Variants in AP1G1 observed in about 807,000 individuals in gnomAD.
AP1G1 encodes the protein AP-1 complex subunit gamma-1.
Under a neutral mutation model 108.3 loss-of-function variants are expected in AP1G1, and 7 were observed. The observed-to-expected ratio is 0.06, with a 90% CI of 0.04 to 0.12. AP1G1 has a LOEUF of 0.12. Among genes scored for constraint, AP1G1 ranks in the 10% least tolerant of loss-of-function variants. The pLI is 1.00. For missense variants in AP1G1, 756 were observed against 1,010.7 expected (o/e 0.75, Z 3.42); for synonymous variants, 379 against 353.5 (o/e 1.07, Z -0.81).
chr16:71,768,978 C>CAAAAAAAAAAAAA (rs59451625), intron 6 of AP1G1, among the ~76,000 whole-genome samples: 1 of 65,018 alleles, frequency 1.5e-5, no homozygotes, highest in African/African-American at 7.1e-5. Context: ...AAAAAAAATA[C>CAAAAAAAAAAAAA]AAAAAAAAAA....
chr16:71,791,227 A>G (rs1156522338), intron 1 of AP1G1, among the ~76,000 whole-genome samples: 1 of 149,566 alleles, frequency 6.7e-6, no homozygotes, highest in Non-Finnish European at 1.5e-5. Context: ...CAAAAAAACA[A>G]AAAAAAAAAA....
At chr16:71,788,390 T>C (rs559831865) in intron 2 of AP1G1, among the ~76,000 whole-genome samples, 1 of 152,058 alleles carries the variant, frequency 6.6e-6, no homozygotes, top group Non-Finnish European at 1.5e-5. Context: ...CTTATGACAA[T>C]ATAAACATGC....
chr16:71,796,938 G>A (rs1358435306), intron 1 of AP1G1, among the ~76,000 whole-genome samples: 2 of 151,968 alleles, frequency 1.3e-5, no homozygotes, highest in Admixed American at 1.3e-4. Context: ...GGGAGGCCGA[G>A]GAGGGCAGAA....
At chr16:71,737,922 G>GT (rs2145413993) in intron 21 of AP1G1, among the ~76,000 whole-genome samples, 1 of 152,368 alleles carries the variant, frequency 6.6e-6, no homozygotes, top group East Asian at 1.9e-4. Flanking sequence ...ATCTACAGCT[G>GT]TTTCTGTACT....
At chr16:71,750,972 C>G (rs368598970) in intron 13 of AP1G1, among the ~76,000 whole-genome samples, 1 of 151,122 alleles carries the variant, frequency 6.6e-6, no homozygotes, top group East Asian at 2.0e-4. Flanking sequence ...CTGGCTAACA[C>G]GATGAAACCC....
intron 1 of AP1G1, among the ~76,000 whole-genome samples, chr16:71,799,329 C>T (rs1181495893): frequency 2.6e-5 from 4 of 152,056 alleles, no homozygotes; most frequent in African/African-American, 4.8e-5. Context: ...GCATATAAGG[C>T]GGCATGTACA....
intron 22 of AP1G1, 65 bp downstream of exon 22, chr16:71,734,544 G>T: frequency 7.4e-7 from 1 of 1,346,026 alleles, no homozygotes; most frequent in Non-Finnish European, 1.1e-6. Context: ...AAACAAAGCA[G>T]AATTTTATTT....
chr16:71,767,918 G>T (rs763951797), intron 6 of AP1G1: 11 of 1,597,132 alleles, frequency 6.9e-6, no homozygotes, highest in African/African-American at 1.3e-5. Context: ...ACAGACAACA[G>T]GAACAAAACA....
chr16:71,748,102 T>A lies in AP1G1; in HGVS notation c.1625+149A>T, dbSNP rs2030279885. 5 of 787,722 alleles carry A rather than the reference T, an allele frequency of 6.3e-6. No homozygotes were observed. The South Asian group carries it at 8.9e-5, about 14-fold the overall frequency. The allele number at this position is 787,722 out of a possible 1,614,324, so 48.8% of individuals were successfully genotyped here. A position where few individuals can be genotyped will look rare whatever the true frequency, so the allele number is the denominator to read the frequency against. ...TTAACCACAAATTGATCACTGTGAC[T>A]GTGGAGAAATAAGTAATGGAAATTT... On this transcript the variant is annotated intron_variant, in intron 16 of 22. Transcript: ENST00000299980.
chr16:71,801,610 T>C (rs2032802956), intron 1 of AP1G1, among the ~76,000 whole-genome samples: 1 of 152,030 alleles, frequency 6.6e-6, no homozygotes, highest in South Asian at 2.1e-4. Context: ...CATTTTTTGA[T>C]TGTTGACATG....
At chr16:71,736,303 A>T (rs957200334) in intron 21 of AP1G1, among the ~76,000 whole-genome samples, 4 of 149,474 alleles carry the variant, frequency 2.7e-5, no homozygotes, top group East Asian at 1.9e-4. Context: ...AATTATGACA[A>T]GATACCAATT....
At chr16:71,793,021 G>T (rs900753444) in intron 1 of AP1G1, among the ~76,000 whole-genome samples, 3 of 150,818 alleles carry the variant, frequency 2.0e-5, no homozygotes, top group Non-Finnish European at 4.4e-5. Context: ...TAAACAAAAT[G>T]AGCCAGGCAT....
At chr16:71,789,236 G>A (rs1268579897) in intron 2 of AP1G1, 43 bp downstream of exon 2, 1 of 1,549,230 alleles carries the variant, frequency 6.5e-7, no homozygotes, top group Non-Finnish European at 8.8e-7. Flanking sequence ...GAGCAACAAT[G>A]TCAAAGAATA....
chr16:71,795,704 T>C (rs1270228324), intron 1 of AP1G1, among the ~76,000 whole-genome samples: 3 of 152,252 alleles, frequency 2.0e-5, no homozygotes, highest in Non-Finnish European at 4.4e-5. Flanking sequence ...GATTGTATTA[T>C]GCTTCAATCA....
At chr16:71,804,233 A>G (rs1257251148) in intron 1 of AP1G1, among the ~76,000 whole-genome samples, 1 of 151,500 alleles carries the variant, frequency 6.6e-6, no homozygotes, top group Non-Finnish European at 1.5e-5. Flanking sequence ...TTTTTTGTAG[A>G]GATGGGGTTT....
chr16:71,750,493 C>T (rs560938593), intron 13 of AP1G1, 161 bp from the exon 14 acceptor site: 220 of 686,376 alleles, frequency 3.2e-4, no homozygotes, highest in African/African-American at 3.2e-3. Flanking sequence ...TGGCTCACTG[C>T]AACCTCCACC....
intron 10 of AP1G1, 105 bp downstream of exon 10, chr16:71,761,407 A>G: frequency 1.2e-6 from 1 of 830,952 alleles, no homozygotes; most frequent in Non-Finnish European, 2.0e-6. Flanking sequence ...CTGAGCTAAA[A>G]GTTCTAAATA....
intron 6 of AP1G1, 183 bp downstream of exon 6, chr16:71,769,440 T>C (rs867976174): frequency 4.1e-5 from 25 of 604,886 alleles, no homozygotes; most frequent in Middle Eastern, 9.2e-4. Context: ...AACACAATAC[T>C]AGTGCCAGTT....
At chr16:71,748,902 T>A (rs2030330932) in intron 15 of AP1G1, among the ~76,000 whole-genome samples, 1 of 151,012 alleles carries the variant, frequency 6.6e-6, no homozygotes, top group Non-Finnish European at 1.5e-5. Flanking sequence ...CCTGTTTTGT[T>A]TTTTTTTTGT....
Sources: allele counts gnomAD v4.1 joint callset (sites outside exome capture counted in the v4.1 genomes callset), GRCh38; gene constraint gnomAD v4.1.1; transcripts MANE v1.5; gene names NCBI Gene and HGNC (gene_info 2026-07-23, HGNC 2026-07-21).